PCLO: variants seen among roughly 807,000 people sequenced by gnomAD.
PCLO encodes piccolo presynaptic cytomatrix protein, also known as protein piccolo.
In PCLO, 82 loss-of-function variants were observed where a neutral mutation model predicts 427.5. The observed-to-expected ratio is 0.19, with a 90% CI of 0.16 to 0.23. PCLO has a LOEUF of 0.23. Ranked by LOEUF, PCLO falls within the 10% of genes least tolerant of loss-of-function variation. The pLI, the probability that PCLO is intolerant of heterozygous loss-of-function variation, is 1.00. For synonymous variants in PCLO, 2,357 were observed against 2,155.4 expected (o/e 1.09, Z -2.59); for missense variants, 6,239 against 6,115.9 (o/e 1.02, Z -0.67).
chr7:82,788,725 C>G (rs189138689), intron 22 of PCLO, among the ~76,000 whole-genome samples: 1 of 151,748 alleles, frequency 6.6e-6, no homozygotes, highest in Admixed American at 6.6e-5. Context: ...TGAGAGTGCT[C>G]CACACACACA....
chr7:83,135,440 G>A lies in PCLO; in HGVS notation c.2110C>T (p.Pro704Ser), dbSNP rs1791700535. 6.2e-7 allele frequency: 1 copy of A among 1,613,756 alleles called. No homozygotes were observed. Among genetic ancestry groups the A allele is most frequent in the African/African-American group, 1.3e-5 (1 of 74,862 alleles). Reference protein sequence around the residue: ...LSKAPEPKKPPPLVKQPTLHG... With the variant: ...LSKAPEPKKPSPLVKQPTLHG... ...AGGGTTGGTTGTTTCACTAGTGGTG[G>A]TGGCTTTTTAGGCTCAGGTGCCTTG... Residue 704 changes from proline (P) to serine (S), a missense_variant, in exon 3 of 25, where the codon CCA (proline) becomes TCA (serine). Physicochemically the swap from Pro to Ser is moderately conservative, Grantham distance 74 (BLOSUM62 -1). Around this residue, in one of 5 missense-constraint regions of PCLO, gnomAD observed 4,677 missense variants for 4,468.4 expected, o/e 1.05. Coordinates refer to ENST00000333891, the MANE Select transcript of PCLO (RefSeq NM_033026.6).
intron 4 of PCLO, among the ~76,000 whole-genome samples, chr7:82,957,231 C>T (rs999019455): frequency 1.3e-5 from 2 of 152,024 alleles, no homozygotes; most frequent in South Asian, 2.1e-4. Context: ...AATATGATTA[C>T]TTTTCTCAAT....
chr7:83,128,485 C>G (rs1341036755), intron 3 of PCLO, among the ~76,000 whole-genome samples: 4 of 152,008 alleles, frequency 2.6e-5, no homozygotes, highest in Admixed American at 6.6e-5. Flanking sequence ...CAGATCATCT[C>G]CAGAAAAACA....
chr7:82,841,350 A>G (rs1002034268), intron 14 of PCLO, 109 bp downstream of exon 14: 2 of 708,738 alleles, frequency 2.8e-6, no homozygotes, highest in Non-Finnish European at 5.1e-6. Flanking sequence ...AGTTCTGTAT[A>G]TATTACAGAA....
At chr7:82,907,720 G>A (rs1029318686) in intron 8 of PCLO, among the ~76,000 whole-genome samples, 1 of 151,762 alleles carries the variant, frequency 6.6e-6, no homozygotes, top group Non-Finnish European at 1.5e-5. Flanking sequence ...AAAAACTAAA[G>A]ATAGAAATTT....
At position 82,959,522 on chromosome 7, in the gene PCLO, A is replaced by G. The variant is rs116770055; in HGVS notation, c.4018-2587T>C. ...ATAATGGATTCTGAAGGTTCTACTG[A>G]TATTATACAAAACAGATTAGGACCA... On this transcript the variant is annotated intron_variant, in intron 4 of 24. Coordinates refer to ENST00000333891, the MANE Select transcript of PCLO (RefSeq NM_033026.6). Among the ~76,000 whole-genome samples, 911 of 152,314 alleles carry G rather than the reference A, an allele frequency of 6.0e-3. 10 individuals carry two copies. Among genetic ancestry groups the G allele is most frequent in the African/African-American group, 0.021 (866 of 41,572 alleles).
intron 3 of PCLO, among the ~76,000 whole-genome samples, chr7:83,044,341 A>G (rs1789052494): frequency 6.6e-6 from 1 of 152,176 alleles, no homozygotes; most frequent in Admixed American, 6.5e-5. Context: ...TAAAGTGTGC[A>G]AGTATAATAA....
chr7:82,928,822 A>G (rs1025477589), intron 6 of PCLO, among the ~76,000 whole-genome samples: 43 of 152,216 alleles, frequency 2.8e-4, no homozygotes, highest in African/African-American at 9.9e-4. Flanking sequence ...GTATGGATAC[A>G]CATACTGTAC....
chr7:82,988,752 AT>A (rs1449121207), intron 3 of PCLO, among the ~76,000 whole-genome samples: 1 of 152,010 alleles, frequency 6.6e-6, no homozygotes, highest in African/African-American at 2.4e-5. Flanking sequence ...TGTAACACTT[AT>A]TTGATTGAGT....
intron 3 of PCLO, among the ~76,000 whole-genome samples, chr7:82,974,916 C>T (rs1795983817): frequency 6.6e-6 from 1 of 151,866 alleles, no homozygotes; most frequent in Non-Finnish European, 1.5e-5. Flanking sequence ...GTAGCTGGGA[C>T]TACAGGTGCC....
chr7:82,800,429 A>C (rs2129468642), intron 22 of PCLO, among the ~76,000 whole-genome samples: 1 of 152,242 alleles, frequency 6.6e-6, no homozygotes, highest in Admixed American at 6.5e-5. Context: ...TGTGCACTTC[A>C]GTTTCCTTTT....
intron 3 of PCLO, among the ~76,000 whole-genome samples, chr7:83,006,503 T>A (rs909973581): frequency 1.3e-5 from 2 of 151,554 alleles, no homozygotes; most frequent in African/African-American, 4.8e-5. Context: ...TCCTTTCTCA[T>A]ACTGCTGTTT....
intron 3 of PCLO, among the ~76,000 whole-genome samples, chr7:83,049,230 G>C (rs1158784987): frequency 6.6e-6 from 1 of 152,042 alleles, no homozygotes; most frequent in African/African-American, 2.4e-5. Flanking sequence ...GATAAGAGCG[G>C]CAATATATGA....
chr7:82,947,023 C>T (rs1021911921), intron 6 of PCLO, among the ~76,000 whole-genome samples: 2 of 152,084 alleles, frequency 1.3e-5, no homozygotes, highest in Non-Finnish European at 2.9e-5. Flanking sequence ...CCCTCACTTG[C>T]CTTTCTGATT....
intron 2 of PCLO, among the ~76,000 whole-genome samples, chr7:83,141,252 C>CA (rs1791852467): frequency 6.7e-6 from 1 of 150,210 alleles, no homozygotes; most frequent in Admixed American, 6.9e-5. Flanking sequence ...CTCTTAGTTC[C>CA]ATGTGCACAC....
intron 3 of PCLO, among the ~76,000 whole-genome samples, chr7:83,125,893 A>T (rs1274794196): frequency 2.0e-5 from 3 of 150,956 alleles, no homozygotes; most frequent in Non-Finnish European, 4.4e-5. Context: ...AATACTAAAA[A>T]AATTAAAAAA....
intron 10 of PCLO, among the ~76,000 whole-genome samples, chr7:82,856,477 C>T (rs1475838383): frequency 6.6e-6 from 1 of 152,098 alleles, no homozygotes; most frequent in Non-Finnish European, 1.5e-5. Context: ...TTTATGGCTA[C>T]AGTTCATTGT....
chr7:83,138,288 A>C (rs1791778524), intron 2 of PCLO, among the ~76,000 whole-genome samples: 1 of 152,202 alleles, frequency 6.6e-6, no homozygotes, highest in African/African-American at 2.4e-5. Flanking sequence ...TCATAACCAA[A>C]GTAGTTTCAA....
At chr7:83,093,477 G>GTGTGTGTGTGTGT (rs1209162419) in intron 3 of PCLO, among the ~76,000 whole-genome samples, 6 of 92,188 alleles carry the variant, frequency 6.5e-5, no homozygotes, top group African/African-American at 2.6e-4. Context: ...TGTGTGTATA[G>GTGTGTGTGTGTGT]ATATATATAT....
Sources: allele counts gnomAD v4.1 joint callset (sites outside exome capture counted in the v4.1 genomes callset), GRCh38; gene constraint gnomAD v4.1.1; regional missense constraint gnomAD v4.1.1; transcripts MANE v1.5; gene names NCBI Gene and HGNC (gene_info 2026-07-23, HGNC 2026-07-21).